The following ATRNL1 variants were observed in gnomAD, a reference collection of about 807,000 sequenced individuals.
ATRNL1 encodes attractin like 1.
ATRNL1 carries 95 observed loss-of-function variants against 182.7 expected under a neutral mutation model. The observed-to-expected ratio is 0.52, with a 90% CI of 0.44 to 0.62. The LOEUF (loss-of-function observed/expected upper bound fraction) is 0.62. Among genes scored for constraint, ATRNL1 ranks in the 20% least tolerant of loss-of-function variants. The pLI is 0.00. For missense variants in ATRNL1, 1,471 were observed against 1,679.5 expected (o/e 0.88, Z 2.17); for synonymous variants, 576 against 568.3 (o/e 1.01, Z -0.19).
chr10:115,163,539 T>A (rs1204242208), intron 6 of ATRNL1, among the ~76,000 whole-genome samples: 1 of 151,932 alleles, frequency 6.6e-6, no homozygotes, highest in Non-Finnish European at 1.5e-5. Flanking sequence ...AATTTTTAAA[T>A]TTTTTTGTAG....
intron 28 of ATRNL1, among the ~76,000 whole-genome samples, chr10:115,939,176 C>T (rs984675764): frequency 1.6e-4 from 25 of 152,320 alleles, no homozygotes; most frequent in African/African-American, 6.0e-4. Flanking sequence ...GCTGTGGTAA[C>T]TCTTGGCCTC....
intron 17 of ATRNL1, among the ~76,000 whole-genome samples, chr10:115,314,508 T>C (rs1854194930): frequency 6.6e-6 from 1 of 152,160 alleles, no homozygotes; most frequent in Non-Finnish European, 1.5e-5. Flanking sequence ...GTTTTTTCTT[T>C]CATGTGACTA....
At chr10:115,517,838 A>G (rs1163471795) in intron 24 of ATRNL1, among the ~76,000 whole-genome samples, 2 of 151,922 alleles carry the variant, frequency 1.3e-5, no homozygotes, top group East Asian at 3.9e-4. Context: ...CTTCCTTTCT[A>G]TGATATTCTA....
At chr10:115,371,117 C>A (rs1857372780) in intron 19 of ATRNL1, among the ~76,000 whole-genome samples, 1 of 152,164 alleles carries the variant, frequency 6.6e-6, no homozygotes, top group Admixed American at 6.5e-5. Context: ...GGTTTGGGAA[C>A]CTCTTCCTGG....
At chr10:115,842,191 T>C (rs1555097364) in intron 27 of ATRNL1, among the ~76,000 whole-genome samples, 1 of 152,142 alleles carries the variant, frequency 6.6e-6, no homozygotes, top group African/African-American at 2.4e-5. Flanking sequence ...AAATACTTAT[T>C]ACTGCTGACA....
At chr10:115,207,533 A>G (rs1244573248) in intron 8 of ATRNL1, among the ~76,000 whole-genome samples, 1 of 151,810 alleles carries the variant, frequency 6.6e-6, no homozygotes, top group Non-Finnish European at 1.5e-5. Context: ...TGTAGGGCAA[A>G]TCTCTGATTT....
intron 25 of ATRNL1, among the ~76,000 whole-genome samples, chr10:115,528,981 T>C (rs1398741887): frequency 6.6e-6 from 1 of 152,142 alleles, no homozygotes; most frequent in Non-Finnish European, 1.5e-5. Flanking sequence ...GTGAAGATAC[T>C]TTGCACATTT....
chr10:115,464,237 A>AT (rs1847947077), intron 22 of ATRNL1, among the ~76,000 whole-genome samples: 1 of 152,034 alleles, frequency 6.6e-6, no homozygotes, highest in Non-Finnish European at 1.5e-5. Context: ...TCACCTGGGA[A>AT]TAATCTCTGA....
At chr10:115,717,588 G>A (rs1258862197) in intron 26 of ATRNL1, among the ~76,000 whole-genome samples, 2 of 112,134 alleles carry the variant, frequency 1.8e-5, no homozygotes, top group East Asian at 6.3e-4. Context: ...GTCTCGCTCT[G>A]TCACCTGGGC....
At chr10:115,882,826 G>T (rs1445878881) in intron 28 of ATRNL1, among the ~76,000 whole-genome samples, 2 of 152,170 alleles carry the variant, frequency 1.3e-5, no homozygotes, top group Non-Finnish European at 2.9e-5. Context: ...ATGTCTACAG[G>T]TACTTCACCC....
At chr10:115,146,592 C>T (rs1406543332) in intron 5 of ATRNL1, among the ~76,000 whole-genome samples, 2 of 152,014 alleles carry the variant, frequency 1.3e-5, no homozygotes, top group Admixed American at 6.6e-5. Flanking sequence ...TGTTTGTATC[C>T]ATTAGCCAAT....
intron 19 of ATRNL1, among the ~76,000 whole-genome samples, chr10:115,356,839 A>G (rs1263022388): frequency 1.3e-5 from 2 of 151,936 alleles, no homozygotes; most frequent in Non-Finnish European, 2.9e-5. Flanking sequence ...CCTCTGGTTT[A>G]CAAGTTTTTG....
chr10:115,661,662 G>T (rs967464975), intron 26 of ATRNL1, among the ~76,000 whole-genome samples: 1 of 152,092 alleles, frequency 6.6e-6, no homozygotes, highest in African/African-American at 2.4e-5. Context: ...TACCAGCCAC[G>T]TGATTTTCTG....
chr10:115,186,325 G>A (rs1438070225), intron 8 of ATRNL1, among the ~76,000 whole-genome samples: 2 of 151,966 alleles, frequency 1.3e-5, no homozygotes, highest in African/African-American at 4.8e-5. Flanking sequence ...ACTAAAAATA[G>A]AGTTACCAAA....
chr10:115,489,323 G>A (rs1207804216), intron 24 of ATRNL1, among the ~76,000 whole-genome samples: 1 of 152,026 alleles, frequency 6.6e-6, no homozygotes, highest in East Asian at 1.9e-4. Flanking sequence ...TTGACAGTGG[G>A]GTGTTAAAGT....
At chr10:115,237,553 TC>T (rs1850239376) in intron 9 of ATRNL1, among the ~76,000 whole-genome samples, 2 of 152,368 alleles carry the variant, frequency 1.3e-5, no homozygotes, top group South Asian at 4.1e-4. Flanking sequence ...TCTGTTCAGA[TC>T]TTTTGCCTTT....
chr10:115,660,862 CAT>C (rs1451608226), intron 26 of ATRNL1, among the ~76,000 whole-genome samples: 1 of 152,030 alleles, frequency 6.6e-6, no homozygotes, highest in Non-Finnish European at 1.5e-5. Flanking sequence ...TGTAAGTACA[CAT>C]ATGAATATGT....
chr10:115,249,128 C>A (rs527268320), intron 10 of ATRNL1, among the ~76,000 whole-genome samples: 139 of 152,060 alleles, frequency 9.1e-4, no homozygotes, highest in Non-Finnish European at 1.5e-3. Context: ...ATTACAGGCG[C>A]CTGCCACCAT....
At chr10:115,101,726 AC>A (rs1433247975) in intron 1 of ATRNL1, among the ~76,000 whole-genome samples, 2 of 151,866 alleles carry the variant, frequency 1.3e-5, no homozygotes, top group African/African-American at 4.8e-5. Context: ...GCACCATGGG[AC>A]TCTCCTGATC....
Sources: gnomAD v4.1 joint callset for allele counts (sites outside exome capture counted in the v4.1 genomes callset) on GRCh38, gnomAD v4.1.1 for gene constraint, MANE v1.5 for transcripts, NCBI Gene and HGNC (gene_info 2026-07-23, HGNC 2026-07-21) for gene names.